Variants in RBFOX1 observed in about 807,000 individuals in gnomAD.
RBFOX1 encodes the protein RNA binding fox-1 homolog 1, also known as RNA binding protein fox-1 homolog 1.
RBFOX1 carries 8 observed loss-of-function variants against 57.7 expected under a neutral mutation model. The ratio of observed to expected loss-of-function variants is 0.14; its 90% CI spans 0.08 to 0.25. RBFOX1 has a LOEUF of 0.25. RBFOX1 is among the 10% of genes least tolerant of loss of function. The pLI, the probability that RBFOX1 is intolerant of heterozygous loss-of-function variation, is 1.00. For missense variants in RBFOX1, 611 were observed against 548.5 expected (o/e 1.11, Z -1.14); for synonymous variants, 326 against 222.4 (o/e 1.47, Z -4.15).
At chr16:7,657,004 A>C (rs7202623) in intron 12 of RBFOX1, among the ~76,000 whole-genome samples, 117,328 of 152,132 alleles carry the variant, frequency 0.77, 45,385 homozygotes, top group Admixed American at 0.81. Context: ...GTCACCTAAC[A>C]AACTACATTT....
At chr16:7,625,141 C>G (rs183291223) in intron 10 of RBFOX1, among the ~76,000 whole-genome samples, 1 of 152,154 alleles carries the variant, frequency 6.6e-6, no homozygotes, top group African/African-American at 2.4e-5. Flanking sequence ...CCTGGCTCTC[C>G]CACCTTAGTC....
chr16:6,813,050 G>C (rs2089158610), intron 3 of RBFOX1, among the ~76,000 whole-genome samples: 1 of 151,710 alleles, frequency 6.6e-6, no homozygotes, highest in South Asian at 2.1e-4. Context: ...ATGGCAACCA[G>C]TCAAACAATG....
chr16:7,300,062 CA>C (rs2095995041), intron 4 of RBFOX1, among the ~76,000 whole-genome samples: 1 of 152,146 alleles, frequency 6.6e-6, no homozygotes, highest in South Asian at 2.1e-4. Flanking sequence ...TTTTTCAGAG[CA>C]AGTGTAGTTT....
At chr16:6,642,722 G>A (rs1432918703) in intron 2 of RBFOX1, among the ~76,000 whole-genome samples, 3 of 152,160 alleles carry the variant, frequency 2.0e-5, no homozygotes, top group African/African-American at 7.2e-5. Flanking sequence ...TAATAGTTTG[G>A]TTGGGGATCG....
At chr16:7,606,283 G>A (rs2095283286) in intron 9 of RBFOX1, among the ~76,000 whole-genome samples, 1 of 151,826 alleles carries the variant, frequency 6.6e-6, no homozygotes, top group Non-Finnish European at 1.5e-5. Flanking sequence ...TATGATGCCT[G>A]GCTAATTTTT....
intron 4 of RBFOX1, among the ~76,000 whole-genome samples, chr16:7,399,564 C>T (rs986786057): frequency 6.6e-6 from 1 of 152,164 alleles, no homozygotes; most frequent in Non-Finnish European, 1.5e-5. Context: ...TCTCTTTTAG[C>T]CTCTGGTGGT....
chr16:5,695,490 A>G (rs939217094), intron 3 of RBFOX1, among the ~76,000 whole-genome samples: 1 of 152,224 alleles, frequency 6.6e-6, no homozygotes, highest in Non-Finnish European at 1.5e-5. Flanking sequence ...TATGAAAACC[A>G]CTAGGTGAAA....
At chr16:7,354,499 G>A (rs930918643) in intron 4 of RBFOX1, among the ~76,000 whole-genome samples, 1 of 152,104 alleles carries the variant, frequency 6.6e-6, no homozygotes, top group Non-Finnish European at 1.5e-5. Flanking sequence ...CCTTCAAGCA[G>A]CCAGAAAAAC....
At chr16:7,595,404 G>C in intron 7 of RBFOX1, 145 bp from the exon 8 acceptor site, 1 of 528,616 alleles carries the variant, frequency 1.9e-6, no homozygotes, top group Non-Finnish European at 3.2e-6. Context: ...GCACATCTCA[G>C]TACTCTTATA....
intron 4 of RBFOX1, among the ~76,000 whole-genome samples, chr16:7,265,332 G>A (rs760715212): frequency 6.6e-6 from 1 of 152,070 alleles, no homozygotes; most frequent in Non-Finnish European, 1.5e-5. Context: ...TCTTCCCTTG[G>A]CAGAGAGAAA....
chr16:5,959,452 C>G (rs1176868335), intron 4 of RBFOX1, among the ~76,000 whole-genome samples: 1 of 152,138 alleles, frequency 6.6e-6, no homozygotes, highest in African/African-American at 2.4e-5. Flanking sequence ...TCCATTCTTG[C>G]TCAGGAACAT....
intron 1 of RBFOX1, among the ~76,000 whole-genome samples, chr16:6,211,134 A>G (rs1337488097): frequency 3.8e-5 from 4 of 105,238 alleles, no homozygotes; most frequent in African/African-American, 1.1e-4. Context: ...CAGACTGGAC[A>G]GTAACCATGA....
At chr16:6,386,325 G>T (rs555546711) in intron 2 of RBFOX1, among the ~76,000 whole-genome samples, 16 of 152,232 alleles carry the variant, frequency 1.1e-4, no homozygotes, top group South Asian at 2.1e-4. Flanking sequence ...ACCAATACCC[G>T]TAAAGGTCAT....
At position 6,735,156 on chromosome 16, in the gene RBFOX1, A is replaced by G. The variant is rs530472582; in HGVS notation, c.-16+80506A>G. Among the ~76,000 whole-genome samples the G allele has an allele frequency of 8.0e-5, 11 of 137,516 alleles. 1 individual carries two copies. The East Asian group carries it at 1.4e-3, about 17-fold the overall frequency. 90.2% of individuals were successfully genotyped at this position (137,516 alleles called of 152,430 possible). A position where few individuals can be genotyped will look rare whatever the true frequency, so the allele number is the denominator to read the frequency against. ...AGAGTGAGACCCTGTCTCAACAAAA[A>G]CAACAACAACATCAACAACAACAAC... On this transcript the variant is annotated intron_variant, in intron 3 of 15. Transcript: ENST00000550418.
intron 2 of RBFOX1, among the ~76,000 whole-genome samples, chr16:6,330,725 T>A (rs1490008657): frequency 6.6e-6 from 1 of 152,208 alleles, no homozygotes; most frequent in Non-Finnish European, 1.5e-5. Context: ...TAAGTAACTG[T>A]ACAATAAAAT....
chr16:5,699,148 C>T (rs1478804272), intron 3 of RBFOX1, among the ~76,000 whole-genome samples: 2 of 151,950 alleles, frequency 1.3e-5, no homozygotes, highest in Non-Finnish European at 2.9e-5. Context: ...CCACCACACC[C>T]AGCTAATTTT....
chr16:5,741,360 C>G (rs958160319), intron 3 of RBFOX1, among the ~76,000 whole-genome samples: 2 of 152,146 alleles, frequency 1.3e-5, no homozygotes, highest in Non-Finnish European at 2.9e-5. Context: ...TCATCTCCAT[C>G]TTCTTTAATG....
chr16:7,363,591 C>T (rs1410985869), intron 4 of RBFOX1, among the ~76,000 whole-genome samples: 4 of 152,062 alleles, frequency 2.6e-5, no homozygotes, highest in African/African-American at 7.2e-5. Flanking sequence ...AGGCAGTGTG[C>T]CGAGCAGCTG....
intron 3 of RBFOX1, among the ~76,000 whole-genome samples, chr16:6,743,450 A>G (rs1296393551): frequency 6.6e-6 from 1 of 152,174 alleles, no homozygotes; most frequent in African/African-American, 2.4e-5. Context: ...AAAGACACAA[A>G]TATGTTGATA....
Sources: allele counts gnomAD v4.1 joint callset (sites outside exome capture counted in the v4.1 genomes callset), GRCh38; gene constraint gnomAD v4.1.1; transcripts MANE v1.5; gene names NCBI Gene and HGNC (gene_info 2026-07-23, HGNC 2026-07-21).